Variants in SORBS2 observed in about 807,000 individuals in gnomAD.
The protein encoded by SORBS2 is sorbin and SH3 domain containing 2.
A neutral mutation model predicts 97.7 loss-of-function variants in SORBS2; 46 were observed. The observed-to-expected ratio is 0.47, with a 90% CI of 0.37 to 0.60. SORBS2 has a LOEUF of 0.60. SORBS2 is among the 20% of genes least tolerant of loss of function. The pLI is 0.00. For missense variants in SORBS2, 1,316 were observed against 1,282.3 expected, an observed-to-expected ratio of 1.03 and a Z score of -0.40; for synonymous variants, 476 against 473.4, an observed-to-expected ratio of 1.01 and a Z score of -0.07.
chr4:185,932,418 T>G (rs2099266946), intron 1 of SORBS2, among the ~76,000 whole-genome samples: 1 of 151,788 alleles, frequency 6.6e-6, no homozygotes, highest in South Asian at 2.1e-4. Flanking sequence ...ATAGTCTTAC[T>G]TCTGGATGGC....
intron 3 of SORBS2, among the ~76,000 whole-genome samples, chr4:185,648,660 T>C (rs1218520468): frequency 6.6e-6 from 1 of 152,204 alleles, no homozygotes; most frequent in Admixed American, 6.5e-5. Context: ...TATTAATTGC[T>C]AGGATAGCAT....
At chr4:185,717,037 T>C (rs2098470957) in intron 2 of SORBS2, among the ~76,000 whole-genome samples, 1 of 152,254 alleles carries the variant, frequency 6.6e-6, no homozygotes, top group South Asian at 2.1e-4. Flanking sequence ...TCCATAAAAC[T>C]GTCCGAGCTT....
At chr4:185,732,022 A>G (rs1583636227) in intron 2 of SORBS2, among the ~76,000 whole-genome samples, 1 of 151,480 alleles carries the variant, frequency 6.6e-6, no homozygotes, top group Admixed American at 6.6e-5. Flanking sequence ...TCAAAATCTG[A>G]TGTCTGTGCT....
upstream of SORBS2, among the ~76,000 whole-genome samples, chr4:185,658,036 C>T (rs934165858): frequency 3.9e-5 from 6 of 152,134 alleles, no homozygotes; most frequent in Admixed American, 6.6e-5. Context: ...GATACTGCTA[C>T]TACTATTATT....
chr4:185,776,855 G>A (rs577418530), intron 1 of SORBS2, among the ~76,000 whole-genome samples: 165 of 145,412 alleles, frequency 1.1e-3, no homozygotes, highest in African/African-American at 3.9e-3. Context: ...AGCTGAGATC[G>A]CACCAGTGCA....
intron 3 of SORBS2, among the ~76,000 whole-genome samples, chr4:185,648,159 G>A (rs376391157): frequency 1.3e-5 from 2 of 151,276 alleles, no homozygotes; most frequent in Admixed American, 6.6e-5. Flanking sequence ...ATGGGATTTC[G>A]CCATGTTGGC....
chr4:185,853,337 T>C (rs1231641018), intron 1 of SORBS2, among the ~76,000 whole-genome samples: 1 of 152,210 alleles, frequency 6.6e-6, no homozygotes, highest in East Asian at 1.9e-4. Flanking sequence ...AATACATATA[T>C]ATATAAGCAG....
chr4:185,656,148 A>G (rs1483869601), intron 1 of SORBS2, among the ~76,000 whole-genome samples: 1 of 152,230 alleles, frequency 6.6e-6, no homozygotes, highest in Non-Finnish European at 1.5e-5. Context: ...TAATCCCTGA[A>G]CTTTTCTTTG....
chr4:185,817,100 G>T (rs2099193708), intron 1 of SORBS2, among the ~76,000 whole-genome samples: 1 of 152,172 alleles, frequency 6.6e-6, no homozygotes, highest in African/African-American at 2.4e-5. Context: ...CAAGCTTTGG[G>T]TTTGCAAATG....
chr4:185,728,615 G>GCGC (rs1272454140), intron 2 of SORBS2, among the ~76,000 whole-genome samples: 12 of 152,214 alleles, frequency 7.9e-5, no homozygotes, highest in Non-Finnish European at 2.9e-5. Flanking sequence ...ACAAAAGGAT[G>GCGC]CGCAGGAGCA....
chr4:185,925,312 T>G (rs777686520), intron 1 of SORBS2, among the ~76,000 whole-genome samples: 140 of 152,174 alleles, frequency 9.2e-4, no homozygotes, highest in Non-Finnish European at 1.2e-3. Context: ...GATAAACGCA[T>G]TGTCTTAGAG....
At chr4:185,655,294 C>T (rs1581934767) in intron 1 of SORBS2, among the ~76,000 whole-genome samples, 1 of 152,340 alleles carries the variant, frequency 6.6e-6, no homozygotes, top group East Asian at 1.9e-4. Context: ...AACGATACTG[C>T]AGCATGGTAC....
intron 3 of SORBS2, among the ~76,000 whole-genome samples, chr4:185,647,595 C>T (rs944356180): frequency 6.6e-6 from 1 of 152,036 alleles, no homozygotes; most frequent in Admixed American, 6.6e-5. Flanking sequence ...AGGGGTAATT[C>T]TGCTTCCATG....
chr4:185,951,416 T>A (rs989573868), intron 1 of SORBS2, among the ~76,000 whole-genome samples: 4 of 152,222 alleles, frequency 2.6e-5, no homozygotes, highest in Admixed American at 2.0e-4. Context: ...GCCCGGGTAC[T>A]GCTGCCCTGT....
At chr4:185,795,761 A>AT (rs1374063790) in intron 1 of SORBS2, among the ~76,000 whole-genome samples, 2 of 152,106 alleles carry the variant, frequency 1.3e-5, no homozygotes, top group Non-Finnish European at 2.9e-5. Flanking sequence ...TGGTCTAGAC[A>AT]TTTTTTTTAA....
intron 12 of SORBS2, among the ~76,000 whole-genome samples, chr4:185,608,803 T>A (rs2096483090): frequency 6.6e-6 from 1 of 152,130 alleles, no homozygotes; most frequent in African/African-American, 2.4e-5. Flanking sequence ...TGTCTTTGAT[T>A]TGGAAAGAAA....
intron 1 of SORBS2, among the ~76,000 whole-genome samples, chr4:185,948,025 G>A (rs908281521): frequency 2.6e-5 from 4 of 152,112 alleles, no homozygotes; most frequent in Middle Eastern, 3.2e-3. Flanking sequence ...TAAAGAGGCC[G>A]GTTCTTTTTT....
chr4:185,757,785 C>T (rs2098839907), intron 2 of SORBS2, among the ~76,000 whole-genome samples: 1 of 152,214 alleles, frequency 6.6e-6, no homozygotes, highest in Non-Finnish European at 1.5e-5. Flanking sequence ...GTTCTTAAAA[C>T]ATCTGCTTTC....
chr4:185,747,414 T>C (rs2098769042), intron 2 of SORBS2, among the ~76,000 whole-genome samples: 1 of 152,188 alleles, frequency 6.6e-6, no homozygotes, highest in South Asian at 2.1e-4. Context: ...TTGCAAACGC[T>C]TGAGTGTAAG....
Sources: allele counts gnomAD v4.1 joint callset (sites outside exome capture counted in the v4.1 genomes callset), GRCh38; gene constraint gnomAD v4.1.1; transcripts MANE v1.5; gene names NCBI Gene and HGNC (gene_info 2026-07-23, HGNC 2026-07-21).